The following PCBP3 variants were observed in gnomAD, a reference collection of about 807,000 sequenced individuals.
PCBP3 encodes the protein poly(rC) binding protein 3.
A neutral mutation model predicts 52.7 loss-of-function variants in PCBP3; 25 were observed. The observed-to-expected ratio is 0.47, with a 90% CI of 0.35 to 0.66. The LOEUF is 0.66. Ranked by LOEUF, PCBP3 falls within the 30% of genes least tolerant of loss-of-function variation. The pLI, the probability that PCBP3 is intolerant of heterozygous loss-of-function variation, is 0.01. For missense variants in PCBP3, 391 were observed against 490.3 expected, an observed-to-expected ratio of 0.80 and a Z score of 1.91; for synonymous variants, 162 against 183.0, an observed-to-expected ratio of 0.89 and a Z score of 0.93.
chr21:45,723,679 A>T (rs2148357467), intron 2 of PCBP3, among the ~76,000 whole-genome samples: 1 of 152,300 alleles, frequency 6.6e-6, no homozygotes, highest in East Asian at 1.9e-4. Flanking sequence ...GAGTGTCTGG[A>T]AGGAGGGAAG....
rs773345781 is a variant in PCBP3 at position 45,928,054 on chromosome 21, G to T, written c.718-1863G>T. Among the ~76,000 whole-genome samples, 4 of 152,208 alleles carry T rather than the reference G, an allele frequency of 2.6e-5. No homozygotes were observed. Among genetic ancestry groups the T allele is most frequent in the Non-Finnish European group, 5.9e-5 (4 of 68,030 alleles). The stretch of plus-strand genomic sequence containing the variant: ...ATCTTGCCTGCAGCTCTCCTACCCG[G>T]CCTGGGACACTTGCGGTCTTTCCTG... On this transcript the variant is annotated intron_variant, in intron 13 of 17. Coordinates refer to ENST00000681687, the MANE Select transcript of PCBP3 (RefSeq NM_001384156.1). The surrounding 1 kb of genome is among the most constrained non-coding windows in gnomAD (Gnocchi z 4.1).
intron 2 of PCBP3, among the ~76,000 whole-genome samples, chr21:45,733,990 G>A (rs746586798): frequency 5.3e-5 from 8 of 152,242 alleles, no homozygotes; most frequent in Non-Finnish European, 1.0e-4. Flanking sequence ...TGCATGCCTC[G>A]TCAGTTTTGG....
intron 1 of PCBP3, among the ~76,000 whole-genome samples, chr21:45,645,536 T>C (rs912688861): frequency 1.3e-5 from 2 of 152,204 alleles, no homozygotes; most frequent in Admixed American, 6.5e-5. Context: ...CCCACACAGC[T>C]TTGTGGTTAC....
chr21:45,674,507 C>G (rs1242047897), intron 2 of PCBP3, among the ~76,000 whole-genome samples: 1 of 152,120 alleles, frequency 6.6e-6, no homozygotes, highest in African/African-American at 2.4e-5. Flanking sequence ...TTTCTTGGCT[C>G]CTTTGGTATT....
chr21:45,650,936 T>C (rs570609948), intron 1 of PCBP3, among the ~76,000 whole-genome samples: 1 of 152,250 alleles, frequency 6.6e-6, no homozygotes, highest in East Asian at 1.9e-4. Flanking sequence ...GGTAGAATCT[T>C]CCTCATCCTG....
At chr21:45,779,670 G>A (rs2090496320) in intron 4 of PCBP3, among the ~76,000 whole-genome samples, 1 of 152,110 alleles carries the variant, frequency 6.6e-6, no homozygotes, top group Non-Finnish European at 1.5e-5. Context: ...ACTTGAACAC[G>A]TAAAACTACA....
intron 3 of PCBP3, among the ~76,000 whole-genome samples, chr21:45,744,969 TG>T (rs2086719867): frequency 6.6e-6 from 1 of 152,040 alleles, no homozygotes; most frequent in African/African-American, 2.4e-5. Flanking sequence ...TGACTGTGGG[TG>T]TTTTGTAGGA....
At chr21:45,814,260 GGTGA>G (rs1488968556) in intron 4 of PCBP3, among the ~76,000 whole-genome samples, 1 of 152,244 alleles carries the variant, frequency 6.6e-6, no homozygotes, top group East Asian at 1.9e-4. Context: ...GGTTGCTCTG[GGTGA>G]GTGAGTGGTG....
intron 15 of PCBP3, among the ~76,000 whole-genome samples, chr21:45,934,130 T>C (rs1260494398): frequency 6.6e-6 from 1 of 151,930 alleles, no homozygotes; most frequent in Non-Finnish European, 1.5e-5. Flanking sequence ...GGCTCCCCAG[T>C]CTGGGGTATT....
intron 2 of PCBP3, among the ~76,000 whole-genome samples, chr21:45,719,750 T>C (rs953797347): frequency 1.3e-5 from 2 of 152,204 alleles, no homozygotes; most frequent in Admixed American, 1.3e-4. Context: ...CTTTTCTTTA[T>C]AAATTACCCA....
rs1000221849 is a variant in PCBP3, at chr21:45,895,584, T to A, written c.11-624T>A. Among the ~76,000 whole-genome samples the A allele has an allele frequency of 5.9e-5, 9 of 152,224 alleles. No individual in the cohort carries two copies. In the South Asian group the frequency reaches 1.9e-3, roughly 31 times the overall value. ...ATTTTGCCCAGTGGGCTCCGTCAAC[T>A]CACTGAATGATGGCACACAGTAGTG... is the stretch of plus-strand genomic sequence containing the variant. On this transcript the variant is annotated intron_variant, in intron 5 of 17. Coordinates refer to ENST00000681687, the MANE Select transcript of PCBP3 (RefSeq NM_001384156.1).
intron 4 of PCBP3, among the ~76,000 whole-genome samples, chr21:45,832,997 G>A (rs575325797): frequency 3.7e-4 from 57 of 152,194 alleles, no homozygotes; most frequent in African/African-American, 1.3e-3. Context: ...ATCACCTCCC[G>A]CCAGGTCCCT....
chr21:45,890,544 C>T (rs928247798), intron 5 of PCBP3, among the ~76,000 whole-genome samples: 3 of 150,380 alleles, frequency 2.0e-5, no homozygotes, highest in Non-Finnish European at 4.4e-5. Context: ...GAACCTGGAA[C>T]TCCGCATTGC....
intron 4 of PCBP3, among the ~76,000 whole-genome samples, chr21:45,759,271 CATTAAAGCA>C (rs2088380770): frequency 6.6e-6 from 1 of 152,128 alleles, no homozygotes; most frequent in Non-Finnish European, 1.5e-5. Flanking sequence ...TAGAATTTGC[CATTAAAGCA>C]ATTTGGGCCT....
intron 4 of PCBP3, among the ~76,000 whole-genome samples, chr21:45,780,224 T>C (rs2090537659): frequency 6.6e-6 from 1 of 152,266 alleles, no homozygotes; most frequent in Admixed American, 6.5e-5. Flanking sequence ...TTCCTAGTTA[T>C]GACTTTCAAA....
At chr21:45,801,012 G>A (rs973427800) in intron 4 of PCBP3, among the ~76,000 whole-genome samples, 4 of 152,182 alleles carry the variant, frequency 2.6e-5, no homozygotes, top group South Asian at 2.1e-4. Context: ...ATGCCCACTC[G>A]CTCTGACCTT....
chr21:45,930,851 A>T lies in PCBP3; in HGVS notation c.856+6A>T, dbSNP rs1389369040. 8.3e-5 allele frequency: 134 copies of T among 1,612,534 alleles called. No homozygotes were observed. Among genetic ancestry groups the T allele is most frequent in the Non-Finnish European group, 1.1e-4 (132 of 1,179,380 alleles). ...TCTGATGGGCCAGTCATCAGGTAAC[A>T]CAAAGCCACACTGACAGGAGAACAG... On this transcript the variant is annotated splice_donor_region_variant and intron_variant, in intron 15 of 17. Transcript: ENST00000681687.
At chr21:45,784,335 G>GCTCTAGCTCTAGCTCTAC (rs1555934161) in intron 4 of PCBP3, among the ~76,000 whole-genome samples, 2 of 105,848 alleles carry the variant, frequency 1.9e-5, no homozygotes, top group East Asian at 2.3e-4. Flanking sequence ...AATAGTGACA[G>GCTCTAGCTCTAGCTCTAC]CTCTACCTCT....
intron 4 of PCBP3, among the ~76,000 whole-genome samples, chr21:45,841,998 A>C (rs988694881): frequency 6.6e-5 from 10 of 152,162 alleles, no homozygotes; most frequent in African/African-American, 2.4e-4. Flanking sequence ...GCTGGGGCTC[A>C]CCTCCTCTGG....
Sources: gnomAD v4.1 joint callset for allele counts (sites outside exome capture counted in the v4.1 genomes callset) on GRCh38, gnomAD v4.1.1 for gene constraint, Gnocchi (gnomAD v3.1) non-coding constraint, MANE v1.5 for transcripts, NCBI Gene and HGNC (gene_info 2026-07-23, HGNC 2026-07-21) for gene names.